Variants in PAIP2 observed in about 807,000 individuals in gnomAD.
PAIP2 encodes the protein poly(A) binding protein interacting protein 2.
A neutral mutation model predicts 14.8 loss-of-function variants in PAIP2; 7 were observed. The ratio of observed to expected loss-of-function variants is 0.47; its 90% confidence interval spans 0.27 to 0.89. PAIP2 has a LOEUF of 0.89. Ranked by LOEUF, PAIP2 falls within the 40% of genes least tolerant of loss-of-function variation. The pLI is 0.13. For synonymous variants in PAIP2, 47 were observed against 45.3 expected (o/e 1.04, Z -0.15); for missense variants, 122 against 154.7 (o/e 0.79, Z 1.12).
chr5:139,364,420 T>TGG (rs1357971422), intron 2 of PAIP2, 144 bp from the exon 3 acceptor site: 1 of 541,738 alleles, frequency 1.8e-6, no homozygotes, highest in South Asian at 3.0e-5. Context: ...CCGGTCATTA[T>TGG]GGTAAGCATT....
rs1372548873 is a variant in PAIP2 at position 139,347,291 on chromosome 5, T to TTA, written c.-27+5311_-27+5312insTA. Among the ~76,000 whole-genome samples the TTA allele has an allele frequency of 1.9e-3, 276 of 147,994 alleles. 1 individual carries two copies. The highest frequency in any genetic ancestry group is 6.7e-3 in the African/African-American group (259 of 38,690). ...AACTTTTTTTTTTTTTTTTTTTTTTTAAGACACAGTTCCGCTCTGTCGCCC... is the reference window on the plus strand; with the variant it reads ...AACTTTTTTTTTTTTTTTTTTTTTTTTAAAGACACAGTTCCGCTCTGTCGCCC... On this transcript the variant is annotated intron_variant, in intron 1 of 3. Coordinates refer to ENST00000265192, the MANE Select transcript of PAIP2 (RefSeq NM_016480.5).
At chr5:139,347,934 G>A (rs1353603780) in intron 1 of PAIP2, among the ~76,000 whole-genome samples, 2 of 152,154 alleles carry the variant, frequency 1.3e-5, no homozygotes, top group Admixed American at 1.3e-4. Flanking sequence ...CACTTCGGGA[G>A]GCCGAGGTGG....
At chr5:139,343,642 A>C (rs1756447440) in intron 1 of PAIP2, among the ~76,000 whole-genome samples, 1 of 152,150 alleles carries the variant, frequency 6.6e-6, no homozygotes, top group Non-Finnish European at 1.5e-5. Flanking sequence ...GTGCTTTTAA[A>C]ACATTTTCTT....
intron 1 of PAIP2, among the ~76,000 whole-genome samples, chr5:139,352,499 G>GTTTTTTTTTTTTTTTTTTTTTTTTTTTT (rs1561959065): frequency 7.8e-6 from 1 of 128,962 alleles, no homozygotes. Context: ...TTTTTTTTTT[G>GTTTTTTTTTTTTTTTTTTTTTTTTTTTT]TTGTTTTTTT....
intron 3 of PAIP2, among the ~76,000 whole-genome samples, chr5:139,368,254 G>A (rs1757412324): frequency 6.6e-6 from 1 of 152,054 alleles, no homozygotes; most frequent in African/African-American, 2.4e-5. Context: ...ACAGGAGAAT[G>A]GTGTGAACCC....
chr5:139,366,978 T>G (rs1757284278), intron 3 of PAIP2, among the ~76,000 whole-genome samples: 1 of 152,196 alleles, frequency 6.6e-6, no homozygotes, highest in African/African-American at 2.4e-5. Flanking sequence ...GAGGATCACT[T>G]GAGCCCAGGA....
chr5:139,357,291 G>A (rs551949492), intron 1 of PAIP2, among the ~76,000 whole-genome samples: 2 of 152,278 alleles, frequency 1.3e-5, no homozygotes, highest in East Asian at 3.9e-4. Flanking sequence ...ACATGCCTAT[G>A]GCTTTCTAGG....
intron 1 of PAIP2, among the ~76,000 whole-genome samples, chr5:139,358,992 T>A (rs1306028223): frequency 2.0e-5 from 3 of 152,180 alleles, no homozygotes; most frequent in Non-Finnish European, 4.4e-5. Context: ...ATTCTTTTTT[T>A]GAGACGAGGT....
chr5:139,367,059 C>T (rs908782902), intron 3 of PAIP2: 4 of 151,742 alleles, frequency 2.6e-5, no homozygotes, highest in African/African-American at 9.7e-5. Context: ...GTCCATGTCT[C>T]AAAAAAAGAG....
intron 1 of PAIP2, among the ~76,000 whole-genome samples, chr5:139,346,075 G>A (rs1756536371): frequency 6.6e-6 from 1 of 151,758 alleles, no homozygotes; most frequent in African/African-American, 2.4e-5. Context: ...TTTCAGGAGG[G>A]GAAAAACAGC....
At chr5:139,353,628 CAT>C (rs950721262) in intron 1 of PAIP2, among the ~76,000 whole-genome samples, 9 of 152,076 alleles carry the variant, frequency 5.9e-5, no homozygotes, top group Non-Finnish European at 8.8e-5. Flanking sequence ...AAAATAATTA[CAT>C]GTCTTTTGTA....
At chr5:139,362,196 T>G (rs1009622214) in intron 1 of PAIP2, among the ~76,000 whole-genome samples, 6 of 152,070 alleles carry the variant, frequency 3.9e-5, no homozygotes, top group African/African-American at 1.4e-4. Context: ...GACTCAGTCT[T>G]TCAGACCGTG....
In PAIP2 at chr5:139,364,697, T is replaced by G. The variant is rs1757163796; in HGVS notation, c.272T>G (p.Phe91Cys). The G allele has an allele frequency of 1.9e-6, 3 of 1,612,992 alleles. No homozygotes were observed. Among genetic ancestry groups the G allele is most frequent in the Admixed American group, 1.7e-5 (1 of 59,966 alleles). The part of the protein sequence containing the change: ...PQTMDQIQDQ[F>C]NDLVISDGSS... ...ACTATGGACCAAATCCAAGACCAGT[T>G]TAATGACCTTGTTATCAGTGATGGC... The change falls in exon 3 of 4, where the codon TTT becomes TGT. Residue 91 changes from phenylalanine (F) to cysteine (C), a missense_variant. By Grantham distance (205) the Phe-to-Cys change is radical (BLOSUM62 -2). Transcript: ENST00000265192.
intron 1 of PAIP2, among the ~76,000 whole-genome samples, chr5:139,350,391 G>T (rs1206365772): frequency 6.6e-6 from 1 of 152,054 alleles, no homozygotes; most frequent in Non-Finnish European, 1.5e-5. Context: ...CCAGCACTTT[G>T]GGAGGCCGAG....
At chr5:139,364,827 C>A in intron 3 of PAIP2, 84 bp downstream of exon 3, 1 of 879,748 alleles carries the variant, frequency 1.1e-6, no homozygotes, top group Non-Finnish European at 1.8e-6. Context: ...TTTAAGAATT[C>A]TACATCTCTT....
At chr5:139,358,096 G>A (rs926144962) in intron 1 of PAIP2, among the ~76,000 whole-genome samples, 1 of 152,102 alleles carries the variant, frequency 6.6e-6, no homozygotes, top group Admixed American at 6.6e-5. Flanking sequence ...TTCAACAGCT[G>A]GGTCTGGAGG....
At chr5:139,356,466 A>G (rs1394152211) in intron 1 of PAIP2, among the ~76,000 whole-genome samples, 2 of 152,076 alleles carry the variant, frequency 1.3e-5, no homozygotes, top group East Asian at 3.9e-4. Flanking sequence ...ATAAATAAAT[A>G]AAGTCTTTGT....
chr5:139,349,792 A>G (rs1267730534), intron 1 of PAIP2, among the ~76,000 whole-genome samples: 3 of 151,984 alleles, frequency 2.0e-5, no homozygotes, highest in Admixed American at 2.0e-4. Context: ...TCACAAAGTC[A>G]AGAGATTGAG....
At chr5:139,344,144 T>G (rs1756466900) in intron 1 of PAIP2, among the ~76,000 whole-genome samples, 1 of 152,222 alleles carries the variant, frequency 6.6e-6, no homozygotes, top group South Asian at 2.1e-4. Flanking sequence ...TAGGCCCTAC[T>G]GTAAAATGAA....
Sources: allele counts gnomAD v4.1 joint callset (sites outside exome capture counted in the v4.1 genomes callset), GRCh38; gene constraint gnomAD v4.1.1; transcripts MANE v1.5; gene names NCBI Gene and HGNC (gene_info 2026-07-23, HGNC 2026-07-21).